The following SLC39A11 variants were observed in gnomAD, a reference collection of about 807,000 sequenced individuals.
SLC39A11 encodes the protein solute carrier family 39 member 11, also known as zinc transporter ZIP11.
Under a neutral mutation model 36.1 loss-of-function variants are expected in SLC39A11, and 33 were observed. That is an observed-to-expected ratio of 0.91 (90% CI 0.69 to 1.22). The LOEUF (loss-of-function observed/expected upper bound fraction) is 1.22, where lower values mean the gene tolerates loss of function less well. Ranked by LOEUF, SLC39A11 falls within the 50% of genes most tolerant of loss-of-function variation. The pLI is 0.00. For missense variants in SLC39A11, 432 were observed against 430.3 expected (o/e 1.00, Z -0.03); for synonymous variants, 166 against 170.3 (o/e 0.97, Z 0.20).
At chr17:72,812,273 T>C (rs1255956551) in intron 6 of SLC39A11, among the ~76,000 whole-genome samples, 1 of 152,194 alleles carries the variant, frequency 6.6e-6, no homozygotes, top group Non-Finnish European at 1.5e-5. Flanking sequence ...TGGCAAACTT[T>C]ATCCGTTAGT....
chr17:72,946,621 C>T (rs574185176), intron 5 of SLC39A11, among the ~76,000 whole-genome samples: 1 of 152,236 alleles, frequency 6.6e-6, no homozygotes, highest in South Asian at 2.1e-4. Flanking sequence ...GAGAGCACTC[C>T]ACATAAGCGA....
chr17:72,952,637 C>G (rs1456675862), intron 4 of SLC39A11, among the ~76,000 whole-genome samples: 1 of 152,214 alleles, frequency 6.6e-6, no homozygotes, highest in Non-Finnish European at 1.5e-5. Context: ...TCCCTCTCTT[C>G]TTTACTTGAT....
chr17:72,752,672 C>T (rs970529563), intron 6 of SLC39A11, among the ~76,000 whole-genome samples: 6 of 152,180 alleles, frequency 3.9e-5, no homozygotes, highest in Non-Finnish European at 7.3e-5. Flanking sequence ...GGATTACAGG[C>T]ATGAGCCATG....
At chr17:72,948,605 G>A (rs2085609640) in intron 4 of SLC39A11, among the ~76,000 whole-genome samples, 1 of 152,234 alleles carries the variant, frequency 6.6e-6, no homozygotes, top group Non-Finnish European at 1.5e-5. Flanking sequence ...GAAGGAAGCA[G>A]TGCGAGTTGC....
intron 4 of SLC39A11, among the ~76,000 whole-genome samples, chr17:73,004,343 A>G (rs934155079): frequency 6.6e-6 from 1 of 152,186 alleles, no homozygotes; most frequent in Non-Finnish European, 1.5e-5. Context: ...CAGCATCATC[A>G]GGTTCTGACA....
intron 3 of SLC39A11, among the ~76,000 whole-genome samples, chr17:73,040,919 A>T (rs1420198609): frequency 1.3e-5 from 2 of 151,086 alleles, no homozygotes; most frequent in Non-Finnish European, 2.9e-5. Flanking sequence ...CAGGAGGCAG[A>T]GGTTGCAGTG....
intron 4 of SLC39A11, among the ~76,000 whole-genome samples, chr17:72,974,838 T>C (rs779951381): frequency 2.0e-5 from 3 of 152,210 alleles, no homozygotes; most frequent in Non-Finnish European, 2.9e-5. Context: ...CTACCTCTTA[T>C]CTTTTATACC....
intron 6 of SLC39A11, 99 bp downstream of exon 6, chr17:72,849,535 C>T (rs1427164707): frequency 5.8e-5 from 75 of 1,287,384 alleles, no homozygotes; most frequent in Non-Finnish European, 7.1e-5. Context: ...AAAGGACCCA[C>T]GTCACAATTG....
intron 7 of SLC39A11, among the ~76,000 whole-genome samples, chr17:72,696,538 T>G (rs2072310468): frequency 1.3e-5 from 2 of 152,050 alleles, no homozygotes; most frequent in Admixed American, 1.3e-4. Flanking sequence ...TCCTCACCAT[T>G]CCCATCTCGC....
At chr17:72,903,577 A>C (rs12051814) in intron 5 of SLC39A11, among the ~76,000 whole-genome samples, 152 of 152,150 alleles carry the variant, frequency 1.0e-3, no homozygotes, top group African/African-American at 3.6e-3. Context: ...CAGAGCACAG[A>C]GGGGCAGCCA....
chr17:73,026,071 T>C lies in SLC39A11; in HGVS notation c.306+5485A>G, dbSNP rs138875251. ...AGGCGGAGGTCGCAATGAGCCAAGATTGAGCAACTGCACTCCAGCCTGGGC... is the reference window on the plus strand; with the variant it reads ...AGGCGGAGGTCGCAATGAGCCAAGACTGAGCAACTGCACTCCAGCCTGGGC... On this transcript the variant is annotated intron_variant, in intron 4 of 9. Transcript: ENST00000255559. Among the ~76,000 whole-genome samples, 1,435 of 149,876 alleles carry C rather than the reference T, an allele frequency of 9.6e-3. 13 individuals carry two copies. The highest frequency in any genetic ancestry group is 0.03 in the African/African-American group (1,227 of 40,804).
intron 3 of SLC39A11, among the ~76,000 whole-genome samples, chr17:73,054,493 A>G (rs1290543928): frequency 6.6e-6 from 1 of 152,198 alleles, no homozygotes; most frequent in Non-Finnish European, 1.5e-5. Context: ...ACAGTGAAAG[A>G]GACCGCCTCT....
chr17:73,043,532 T>A (rs1203007600), intron 3 of SLC39A11, among the ~76,000 whole-genome samples: 4 of 152,164 alleles, frequency 2.6e-5, no homozygotes, highest in Non-Finnish European at 2.9e-5. Flanking sequence ...TTAGCCAGCA[T>A]GGAGCAGGTC....
chr17:72,947,690 T>C (rs779910553), intron 5 of SLC39A11, 62 bp downstream of exon 5: 30 of 1,610,564 alleles, frequency 1.9e-5, no homozygotes, highest in Non-Finnish European at 2.5e-5. Context: ...CCCACGTCCA[T>C]ATTGCCTGAC....
chr17:72,748,521 A>G (rs907062033), intron 6 of SLC39A11, among the ~76,000 whole-genome samples: 1 of 152,190 alleles, frequency 6.6e-6, no homozygotes, highest in Admixed American at 6.5e-5. Flanking sequence ...AGAAAATGCT[A>G]TTCTCCAGTC....
At chr17:72,666,956 C>A (rs905973043) in intron 7 of SLC39A11, among the ~76,000 whole-genome samples, 37 of 152,146 alleles carry the variant, frequency 2.4e-4, no homozygotes, top group African/African-American at 8.4e-4. Context: ...AGAGGCATGT[C>A]CTGAAATGTG....
chr17:72,984,966 A>G (rs865948179), intron 4 of SLC39A11, among the ~76,000 whole-genome samples: 27 of 152,338 alleles, frequency 1.8e-4, no homozygotes, highest in South Asian at 6.2e-4. Context: ...TATGGAATCA[A>G]TTTTCTCTGG....
chr17:72,655,599 G>A (rs1049407612), intron 7 of SLC39A11, among the ~76,000 whole-genome samples: 3 of 152,188 alleles, frequency 2.0e-5, no homozygotes, highest in African/African-American at 7.2e-5. Context: ...CTCCCTCCCA[G>A]GAGCCCCTTC....
chr17:72,926,900 C>T (rs774940799), intron 5 of SLC39A11, among the ~76,000 whole-genome samples: 35 of 152,118 alleles, frequency 2.3e-4, no homozygotes, highest in Non-Finnish European at 3.5e-4. Context: ...TCAAAGTCTT[C>T]TGTTCACAGA....
Sources: allele counts gnomAD v4.1 joint callset (sites outside exome capture counted in the v4.1 genomes callset), GRCh38; gene constraint gnomAD v4.1.1; transcripts MANE v1.5; gene names NCBI Gene and HGNC (gene_info 2026-07-23, HGNC 2026-07-21).